GRM7: variants seen among roughly 807,000 people sequenced by gnomAD.
GRM7 encodes the protein metabotropic glutamate receptor 7.
In GRM7, 35 loss-of-function variants were observed where a neutral mutation model predicts 84.5. The ratio of observed to expected loss-of-function variants is 0.41; its 90% CI spans 0.32 to 0.55. The LOEUF is 0.55. Among genes scored for constraint, GRM7 ranks in the 20% least tolerant of loss-of-function variants. GRM7 has a pLI of 0.19. For synonymous variants in GRM7, 487 were observed against 455.1 expected (o/e 1.07, Z -0.89); for missense variants, 1,003 against 1,194.6 (o/e 0.84, Z 2.36).
At chr3:7,429,476 A>C (rs907620440) in intron 5 of GRM7, among the ~76,000 whole-genome samples, 2 of 152,188 alleles carry the variant, frequency 1.3e-5, no homozygotes, top group African/African-American at 4.8e-5. Flanking sequence ...AAAACTTGCA[A>C]GGTTGAATAT....
At chr3:7,661,966 T>C (rs1699477679) in intron 8 of GRM7, among the ~76,000 whole-genome samples, 1 of 152,004 alleles carries the variant, frequency 6.6e-6, no homozygotes, top group Non-Finnish European at 1.5e-5. Flanking sequence ...ACATGAATAT[T>C]AGTGACAGTA....
chr3:7,056,743 G>A (rs1697238974), intron 1 of GRM7, among the ~76,000 whole-genome samples: 1 of 151,742 alleles, frequency 6.6e-6, no homozygotes, highest in African/African-American at 2.4e-5. Context: ...TCCAAATTTG[G>A]TTAAACTATT....
intron 1 of GRM7, among the ~76,000 whole-genome samples, chr3:7,108,900 C>T (rs1692748053): frequency 6.6e-6 from 1 of 152,014 alleles, no homozygotes; most frequent in Non-Finnish European, 1.5e-5. Context: ...AACATACCAG[C>T]AGGATTTATA....
chr3:7,306,901 A>T (rs1700213575), intron 4 of GRM7, among the ~76,000 whole-genome samples: 1 of 152,192 alleles, frequency 6.6e-6, no homozygotes, highest in Non-Finnish European at 1.5e-5. Flanking sequence ...TTTTTCATTC[A>T]TGCCATAGGA....
At chr3:7,222,530 T>C (rs1358248460) in intron 2 of GRM7, among the ~76,000 whole-genome samples, 1 of 152,054 alleles carries the variant, frequency 6.6e-6, no homozygotes, top group Non-Finnish European at 1.5e-5. Context: ...AGTTTAGAAG[T>C]AAATTCATTT....
chr3:7,004,141 C>G (rs534042241), intron 1 of GRM7, among the ~76,000 whole-genome samples: 2 of 152,200 alleles, frequency 1.3e-5, no homozygotes, highest in East Asian at 3.9e-4. Flanking sequence ...AAGTCATACT[C>G]CATCATTTAT....
At chr3:7,361,084 C>G (rs1693641023) in intron 4 of GRM7, among the ~76,000 whole-genome samples, 3 of 152,078 alleles carry the variant, frequency 2.0e-5, no homozygotes, top group Admixed American at 2.0e-4. Flanking sequence ...CTTCCAAGTG[C>G]CATTGTCTAA....
At chr3:6,879,042 A>G (rs1338743311) in intron 1 of GRM7, among the ~76,000 whole-genome samples, 1 of 152,202 alleles carries the variant, frequency 6.6e-6, no homozygotes, top group Non-Finnish European at 1.5e-5. Flanking sequence ...CCTCTACCCT[A>G]AATTGGCCAA....
chr3:7,052,913 T>A (rs1280306757), intron 1 of GRM7, among the ~76,000 whole-genome samples: 1 of 151,422 alleles, frequency 6.6e-6, no homozygotes, highest in Non-Finnish European at 1.5e-5. Context: ...AACTGCCTAG[T>A]AGTGTATTGC....
At chr3:7,448,093 G>T (rs1697601926) in intron 5 of GRM7, among the ~76,000 whole-genome samples, 1 of 151,708 alleles carries the variant, frequency 6.6e-6, no homozygotes, top group Admixed American at 6.6e-5. Flanking sequence ...CATTTTTTAT[G>T]GCCGCATAGT....
intron 1 of GRM7, among the ~76,000 whole-genome samples, chr3:6,962,951 T>G (rs1436448443): frequency 6.6e-6 from 1 of 152,232 alleles, no homozygotes; most frequent in Non-Finnish European, 1.5e-5. Flanking sequence ...GAAGTGATTG[T>G]GAGGAAGTAT....
chr3:7,263,422 A>G (rs1337272450), intron 2 of GRM7, among the ~76,000 whole-genome samples: 1 of 152,212 alleles, frequency 6.6e-6, no homozygotes, highest in African/African-American at 2.4e-5. Flanking sequence ...CAGCAGTGGC[A>G]GCAGCAGCAT....
rs76403065 is a variant in GRM7 at position 7,005,640 on chromosome 3, T to C, written c.520-140812T>C. Reference sequence around the variant, plus strand: ...GGCAGAATTGTATGATTTTAGATATTGATAGTTAGCCATTGTTAGTAAGCC... The same window carrying C: ...GGCAGAATTGTATGATTTTAGATATCGATAGTTAGCCATTGTTAGTAAGCC... On this transcript the variant is annotated intron_variant, in intron 1 of 9. Transcript: ENST00000357716. Among the ~76,000 whole-genome samples the C allele has an allele frequency of 1.1e-4, 17 of 152,330 alleles. No individual in the cohort carries two copies. In the East Asian group the frequency reaches 3.3e-3, roughly 29 times the overall value.
At chr3:7,311,747 A>G (rs1169769116) in intron 4 of GRM7, among the ~76,000 whole-genome samples, 2 of 151,928 alleles carry the variant, frequency 1.3e-5, no homozygotes, top group African/African-American at 4.8e-5. Context: ...GGCATGTGCT[A>G]CCACACCTGG....
intron 1 of GRM7, among the ~76,000 whole-genome samples, chr3:7,015,924 G>T (rs1437076100): frequency 6.6e-6 from 1 of 152,146 alleles, no homozygotes; most frequent in Non-Finnish European, 1.5e-5. Context: ...ACTAATTCCA[G>T]CCCACACTCA....
chr3:6,981,953 A>G (rs1236129207), intron 1 of GRM7, among the ~76,000 whole-genome samples: 1 of 152,184 alleles, frequency 6.6e-6, no homozygotes, highest in Non-Finnish European at 1.5e-5. Flanking sequence ...GGGTATATAA[A>G]CAAAGGAGTA....
chr3:7,498,945 A>G (rs573011235), intron 7 of GRM7, among the ~76,000 whole-genome samples: 1 of 152,264 alleles, frequency 6.6e-6, no homozygotes, highest in South Asian at 2.1e-4. Flanking sequence ...ATTTATTGCT[A>G]TGTAACAAAT....
chr3:6,988,443 G>A lies in GRM7; in HGVS notation c.519+126536G>A, dbSNP rs114890700. ...CCAAGAATGCTGCTCAATCACTAAG[G>A]GCATTATCTTTCTCAGAGTAATGCA... On this transcript the variant is annotated intron_variant, in intron 1 of 9. Transcript: ENST00000357716. Among the ~76,000 whole-genome samples, 922 of 151,926 alleles carry A rather than the reference G, an allele frequency of 6.1e-3. 7 individuals carry two copies. Among genetic ancestry groups the A allele is most frequent in the African/African-American group, 0.021 (876 of 41,388 alleles).
chr3:7,165,443 A>AT (rs1416933333), intron 2 of GRM7, among the ~76,000 whole-genome samples: 1 of 152,224 alleles, frequency 6.6e-6, no homozygotes, highest in Non-Finnish European at 1.5e-5. Context: ...ACTGTCTGAA[A>AT]ATATATTTTA....
Sources: allele counts gnomAD v4.1 joint callset (sites outside exome capture counted in the v4.1 genomes callset), GRCh38; gene constraint gnomAD v4.1.1; transcripts MANE v1.5; gene names NCBI Gene and HGNC (gene_info 2026-07-23, HGNC 2026-07-21).